The following MOK variants were observed in gnomAD, a reference collection of about 807,000 sequenced individuals.
The protein encoded by MOK is MAPK/MAK/MRK overlapping kinase.
In MOK, 59 loss-of-function variants were observed where a neutral mutation model predicts 54.2. The observed-to-expected ratio is 1.09, with a 90% CI of 0.88 to 1.35. The LOEUF is 1.35. MOK is among the 40% of genes most tolerant of loss of function. MOK has a pLI of 0.00. For missense variants in MOK, 517 were observed against 526.2 expected (o/e 0.98, Z 0.17); for synonymous variants, 210 against 202.7 (o/e 1.04, Z -0.31).
chr14:102,303,881 A>G (rs2072501670), intron 1 of MOK, among the ~76,000 whole-genome samples: 1 of 152,254 alleles, frequency 6.6e-6, no homozygotes, highest in Non-Finnish European at 1.5e-5. Context: ...TGCTCTTGCA[A>G]CTTTCCTGTA....
In MOK at chr14:102,240,525, C is replaced by G. The variant is rs903409455; in HGVS notation, c.591-6736G>C. 1 of 153,710 alleles carries G rather than the reference C, an allele frequency of 6.5e-6. No homozygotes were observed. Among genetic ancestry groups the G allele is most frequent in the African/African-American group, 2.4e-5 (1 of 41,492 alleles). The allele number at this position is 153,710 out of a possible 1,614,324, so 9.5% of individuals were successfully genotyped here. A position where few individuals can be genotyped will look rare whatever the true frequency, so the allele number is the denominator to read the frequency against. ...CTTGCTACCCTTCAGTCTCCCTGTT[C>G]TTCCAATTCCAGTTCTTTTTCCTCT... On this transcript the variant is annotated intron_variant, in intron 7 of 11. Coordinates refer to ENST00000361847, the MANE Select transcript of MOK (RefSeq NM_014226.3). The surrounding 1 kb of genome is among the most constrained non-coding windows in gnomAD (Gnocchi z 5.4).
chr14:102,221,647 T>G (rs546598923), downstream of MOK, among the ~76,000 whole-genome samples: 1 of 152,238 alleles, frequency 6.6e-6, no homozygotes, highest in Admixed American at 6.5e-5. This position sits in a 1 kb window ranked among gnomAD's most constrained non-coding sequence, Gnocchi z 4.8. Context: ...GTGAACAGAT[T>G]TCAGGTGGAA....
intron 2 of MOK, among the ~76,000 whole-genome samples, chr14:102,279,452 A>G (rs2069193227): frequency 6.6e-6 from 1 of 151,854 alleles, no homozygotes; most frequent in Non-Finnish European, 1.5e-5. Context: ...AGGCACCACC[A>G]CTATGCCCAG....
At chr14:102,295,292 C>T (rs758707569) in intron 1 of MOK, among the ~76,000 whole-genome samples, 1 of 152,204 alleles carries the variant, frequency 6.6e-6, no homozygotes, top group Non-Finnish European at 1.5e-5. Context: ...AAATGAATAC[C>T]TCTGTATTAA....
At chr14:102,273,795 A>G (rs978652672) in intron 2 of MOK, among the ~76,000 whole-genome samples, 2 of 152,152 alleles carry the variant, frequency 1.3e-5, no homozygotes. Flanking sequence ...CTCAAAAACA[A>G]AAACAAAACA....
chr14:102,241,127 G>C (rs1253115290), intron 7 of MOK, among the ~76,000 whole-genome samples: 1 of 152,032 alleles, frequency 6.6e-6, no homozygotes, highest in African/African-American at 2.4e-5. Context: ...TTACACATCG[G>C]TCCCTCCCTA....
chr14:102,238,323 C>A lies in MOK; in HGVS notation c.591-4534G>T, dbSNP rs2065400537. On this transcript the variant is annotated intron_variant, in intron 7 of 11. Coordinates refer to ENST00000361847, the MANE Select transcript of MOK (RefSeq NM_014226.3). This position sits in a 1 kb window ranked among gnomAD's most constrained non-coding sequence, Gnocchi z 4.8. ...GCAAACGAGTCAACACTTACACAGA[C>A]TCCAAAGATGTATATCACATTCTTC... 1 of 152,252 alleles carries A rather than the reference C, an allele frequency of 6.6e-6. No individual in the cohort carries two copies. Among genetic ancestry groups the A allele is most frequent in the South Asian group, 2.1e-4 (1 of 4,828 alleles). 9.4% of individuals were successfully genotyped at this position (152,252 alleles called of 1,614,324 possible). A position where few individuals can be genotyped will look rare whatever the true frequency, so the allele number is the denominator to read the frequency against.
intron 7 of MOK, 101 bp downstream of exon 7, chr14:102,250,711 C>A: frequency 8.6e-7 from 1 of 1,162,626 alleles, no homozygotes; most frequent in Non-Finnish European, 1.2e-6. Flanking sequence ...GAAAGAAAAA[C>A]CAGAATGACC....
chr14:102,251,930 C>T lies in MOK; in HGVS notation c.349G>A (p.Asp117Asn). 1.2e-6 allele frequency: 2 copies of T among 1,603,842 alleles called. 1 individual carries two copies. The highest frequency in any genetic ancestry group is 2.2e-5 in the South Asian group (2 of 90,198). Reference protein sequence around the residue: ...HYMYQLCKSLDHIHRNGIFHR... With the variant: ...HYMYQLCKSLNHIHRNGIFHR... ...CCGAGAGCATACCTGTGAATATGAT[C>T]CAGGGACTTACATAACTGGTACATA... is the stretch of plus-strand genomic sequence containing the variant. The change falls in exon 5 of 12, where the codon GAT (aspartate) becomes AAT (asparagine). Residue 117 changes from aspartate to asparagine, a missense_variant. Asp to Asn is a conservative substitution (Grantham distance 23). Coordinates refer to ENST00000361847, the MANE Select transcript of MOK (RefSeq NM_014226.3).
chr14:102,245,773 A>G lies in MOK; in HGVS notation c.590+5039T>C, dbSNP rs1289393653. Among the ~76,000 whole-genome samples the G allele has an allele frequency of 6.6e-6, 1 of 152,114 alleles. No homozygotes were observed. Among genetic ancestry groups the G allele is most frequent in the Non-Finnish European group, 1.5e-5 (1 of 68,026 alleles). On this transcript the variant is annotated intron_variant, in intron 7 of 11. Coordinates refer to ENST00000361847, the MANE Select transcript of MOK (RefSeq NM_014226.3). This position sits in a 1 kb window ranked among gnomAD's most constrained non-coding sequence, Gnocchi z 4.3. ...TTTCACATGGACGTGTGTGACACTT[A>G]CAACCCCTACTGCAGCCAAACTCTC... is the stretch of plus-strand genomic sequence containing the variant.
intron 7 of MOK, among the ~76,000 whole-genome samples, chr14:102,239,510 C>T (rs2065527178): frequency 6.8e-6 from 1 of 146,496 alleles, no homozygotes; most frequent in Admixed American, 6.8e-5. Context: ...GCACACCAGG[C>T]CCTCCCAATA....
At chr14:102,272,595 T>C (rs1008776442) in intron 2 of MOK, among the ~76,000 whole-genome samples, 7 of 152,152 alleles carry the variant, frequency 4.6e-5, no homozygotes, top group Middle Eastern at 3.2e-3. Flanking sequence ...ATCCCAGCTA[T>C]ACTGGGAATG....
At chr14:102,274,956 C>G (rs1029346553) in intron 2 of MOK, among the ~76,000 whole-genome samples, 1 of 139,358 alleles carries the variant, frequency 7.2e-6, no homozygotes, top group Non-Finnish European at 1.5e-5. Flanking sequence ...GCCTGCATGA[C>G]AGAAAGAGAC....
intron 1 of MOK, among the ~76,000 whole-genome samples, chr14:102,293,162 A>C (rs1214866699): frequency 1.3e-5 from 2 of 152,148 alleles, no homozygotes; most frequent in African/African-American, 4.8e-5. Flanking sequence ...ACAAACAAAA[A>C]ACTTCATAAA....
rs180863297 is a variant in MOK at position 102,236,266 on chromosome 14, G to A, written c.591-2477C>T. 6.6e-6 allele frequency among the ~76,000 whole-genome samples: 1 copy of A among 152,306 alleles called. No homozygotes were observed. On this transcript the variant is annotated intron_variant, in intron 7 of 11. Transcript: ENST00000361847. This position sits in a 1 kb window ranked among gnomAD's most constrained non-coding sequence, Gnocchi z 4.5. ...CGGCCCCATCTGCCATCACTGCATTGGAGCCCAGGGTAACTCTGCGAGTAG... is the reference window on the plus strand; with the variant it reads ...CGGCCCCATCTGCCATCACTGCATTAGAGCCCAGGGTAACTCTGCGAGTAG...
At chr14:102,292,381 G>A (rs978521268) in intron 1 of MOK, among the ~76,000 whole-genome samples, 27 of 151,850 alleles carry the variant, frequency 1.8e-4, no homozygotes, top group African/African-American at 2.4e-4. Context: ...GCTGAGGCAG[G>A]AGAATGGCGT....
At chr14:102,227,547 C>T (rs988883481), downstream of MOK, among the ~76,000 whole-genome samples, 2 of 152,194 alleles carry the variant, frequency 1.3e-5, no homozygotes, top group African/African-American at 2.4e-5. Context: ...CGGGGAAAGG[C>T]CTGCACTGCA....
rs374482637 is a variant in MOK, at chr14:102,294,303, A to G, written c.7+10659T>C. 7.2e-4 allele frequency among the ~76,000 whole-genome samples: 110 copies of G among 152,140 alleles called. 1 individual carries two copies. In the Middle Eastern group the frequency reaches 0.024, roughly 33 times the overall value. Reference sequence around the variant, plus strand: ...CTACTAAAAATACAAAAAATTAGCCAGGCGTGGTGGTGGGCACGTGTAGTC... The same window carrying G: ...CTACTAAAAATACAAAAAATTAGCCGGGCGTGGTGGTGGGCACGTGTAGTC... On this transcript the variant is annotated intron_variant, in intron 1 of 11. Coordinates refer to ENST00000361847, the MANE Select transcript of MOK (RefSeq NM_014226.3).
At chr14:102,224,702 A>T (rs1170892765), downstream of MOK, 2 of 455,922 alleles carry the variant, frequency 4.4e-6, no homozygotes, top group Non-Finnish European at 8.8e-6. Flanking sequence ...TTCGGAGGAG[A>T]CATTAGTTAC....
Sources: allele counts gnomAD v4.1 joint callset (sites outside exome capture counted in the v4.1 genomes callset), GRCh38; gene constraint gnomAD v4.1.1; non-coding constraint Gnocchi (gnomAD v3.1); transcripts MANE v1.5; gene names NCBI Gene and HGNC (gene_info 2026-07-23, HGNC 2026-07-21).